VPS8: variants seen among roughly 807,000 people sequenced by gnomAD.
VPS8 encodes the protein vacuolar protein sorting-associated protein 8 homolog.
Under a neutral mutation model 216.4 loss-of-function variants are expected in VPS8, and 129 were observed. That is an observed-to-expected ratio of 0.60 (90% CI 0.52 to 0.69). The LOEUF is 0.69. VPS8 is among the 30% of genes least tolerant of loss of function. VPS8 has a pLI of 0.00. For missense variants in VPS8, 1,531 were observed against 1,683.5 expected (o/e 0.91, Z 1.59); for synonymous variants, 571 against 565.4 (o/e 1.01, Z -0.14).
chr3:185,003,895 C>T (rs1294354381), intron 45 of VPS8, among the ~76,000 whole-genome samples: 2 of 151,764 alleles, frequency 1.3e-5, no homozygotes, highest in Non-Finnish European at 2.9e-5. Context: ...CGCGGCCAGG[C>T]AGAGGCGCTC....
chr3:185,008,398 A>T, intron 45 of VPS8, among the ~76,000 whole-genome samples: 1 of 152,228 alleles, frequency 6.6e-6, no homozygotes, highest in East Asian at 1.9e-4. Context: ...GAACAAAAAA[A>T]TAACCATAGT....
rs962033198 is a variant in VPS8 at position 184,849,637 on chromosome 3, A to G, written c.667-299A>G. On this transcript the variant is annotated intron_variant, in intron 9 of 47. Transcript: ENST00000625842. ...TAGTTTGGCAGTAAGCCTTTCCGATACTTTTTACTAGTGCTAAACAGATTG... is the reference window on the plus strand; with the variant it reads ...TAGTTTGGCAGTAAGCCTTTCCGATGCTTTTTACTAGTGCTAAACAGATTG... The G allele has an allele frequency of 9.0e-5, 29 of 322,014 alleles. No individual in the cohort carries two copies. The East Asian group carries it at 2.0e-3, about 22-fold the overall frequency. The allele number at this position is 322,014 out of a possible 1,614,324, so 19.9% of individuals were successfully genotyped here.
chr3:184,990,624 T>C (rs1561011397), intron 42 of VPS8, among the ~76,000 whole-genome samples: 1 of 152,178 alleles, frequency 6.6e-6, no homozygotes, highest in South Asian at 2.1e-4. Context: ...AAATAATTTG[T>C]CTTAGTTTAT....
chr3:184,833,596 A>G (rs572662154), intron 4 of VPS8, among the ~76,000 whole-genome samples: 4 of 152,322 alleles, frequency 2.6e-5, no homozygotes, highest in African/African-American at 9.6e-5. Context: ...TGCAAAATTA[A>G]GTCAGAACTC....
intron 40 of VPS8, among the ~76,000 whole-genome samples, chr3:184,979,201 G>C (rs1039902014): frequency 5.9e-5 from 9 of 152,094 alleles, no homozygotes; most frequent in African/African-American, 9.7e-5. Flanking sequence ...AATTTGTTGA[G>C]TATTGTTTTA....
chr3:184,871,325 G>T (rs1250064907), intron 21 of VPS8, among the ~76,000 whole-genome samples: 2 of 151,880 alleles, frequency 1.3e-5, no homozygotes, highest in Admixed American at 1.3e-4. Flanking sequence ...TATTTATTAT[G>T]CAGGTTTTAC....
rs557153855 is a variant in VPS8 at position 184,828,137 on chromosome 3, TTTTG to T, written c.222+1922_222+1925del. Among the ~76,000 whole-genome samples, 69 of 152,124 alleles carry T rather than the reference TTTTG, an allele frequency of 4.5e-4. 1 individual carries two copies. Among genetic ancestry groups the T allele is most frequent in the Middle Eastern group, 6.8e-3 (2 of 294 alleles). The stretch of plus-strand genomic sequence containing the variant: ...ATGGACATCCACTTTTTTTGTTTGT[TTTTG>T]TTTGTTTGTTTGTTTTGAGATGGAG... On this transcript the variant is annotated intron_variant, in intron 3 of 47. Transcript: ENST00000625842.
chr3:184,953,889 T>C (rs548197523), intron 36 of VPS8, among the ~76,000 whole-genome samples: 265 of 152,260 alleles, frequency 1.7e-3, no homozygotes, highest in Non-Finnish European at 2.4e-3. Context: ...CTCAGTTTCA[T>C]TAAGTTGGTT....
At chr3:184,939,347 T>G (rs1240621850) in intron 35 of VPS8, among the ~76,000 whole-genome samples, 1 of 151,976 alleles carries the variant, frequency 6.6e-6, no homozygotes, top group African/African-American at 2.4e-5. Context: ...TATTAATCTT[T>G]TTCATCTTTA....
chr3:184,944,302 A>G (rs1018288566), intron 36 of VPS8, among the ~76,000 whole-genome samples: 1 of 152,186 alleles, frequency 6.6e-6, no homozygotes, highest in African/African-American at 2.4e-5. Context: ...GGGAGAGGGG[A>G]TTAATCCTCC....
chr3:185,046,152 C>T (rs1052855424), intron 46 of VPS8, among the ~76,000 whole-genome samples: 6 of 152,186 alleles, frequency 3.9e-5, no homozygotes, highest in Non-Finnish European at 8.8e-5. Context: ...CACTCCTAAC[C>T]AGTTTTATCC....
At chr3:185,001,561 A>C (rs953910165) in intron 45 of VPS8, among the ~76,000 whole-genome samples, 1 of 151,956 alleles carries the variant, frequency 6.6e-6, no homozygotes, top group Admixed American at 6.6e-5. Context: ...GTCTACACCA[A>C]CCCATAAGCT....
chr3:184,855,611 A>G lies in VPS8; in HGVS notation c.1036-100A>G, dbSNP rs1034211188. On this transcript the variant is annotated intron_variant, in intron 13 of 47. Transcript: ENST00000625842. ...TACTGAGAAATTGGGGAAAGTTTTT[A>G]TCAAGGAACACTAGTCAGATGCTGT... 10 of 979,992 alleles carry G rather than the reference A, an allele frequency of 1.0e-5. No homozygotes were observed. In the Admixed American group the frequency reaches 1.4e-4, roughly 14 times the overall value. The allele number at this position is 979,992 out of a possible 1,614,324, so 60.7% of individuals were successfully genotyped here.
intron 45 of VPS8, among the ~76,000 whole-genome samples, chr3:185,012,880 TCAAA>T (rs1456276844): frequency 6.6e-6 from 1 of 152,090 alleles, no homozygotes; most frequent in African/African-American, 2.4e-5. Context: ...GCTGAGATCC[TCAAA>T]CAGAGATTTA....
chr3:185,047,927 G>T (rs1420233641), intron 46 of VPS8, among the ~76,000 whole-genome samples: 7 of 152,246 alleles, frequency 4.6e-5, no homozygotes, highest in South Asian at 2.1e-4. Context: ...AGTTTGGCAG[G>T]TCCCACCACA....
intron 25 of VPS8, among the ~76,000 whole-genome samples, chr3:184,906,428 A>G (rs906237875): frequency 6.6e-6 from 1 of 152,204 alleles, no homozygotes; most frequent in Non-Finnish European, 1.5e-5. Flanking sequence ...TGTTACATAG[A>G]TATCCGTGTA....
Position 185,005,972 on chromosome 3 carries a change from G to T in VPS8, c.4002+6111G>T, listed in dbSNP as rs574634732. Reference sequence around the variant, plus strand: ...AAGTGGGCATCCTTGTCTTGTTGCAGTTCTCAGGGGAAACCATTTTAAAAT... The same window carrying T: ...AAGTGGGCATCCTTGTCTTGTTGCATTTCTCAGGGGAAACCATTTTAAAAT... On this transcript the variant is annotated intron_variant, in intron 45 of 47. Coordinates refer to ENST00000625842, the MANE Select transcript of VPS8 (RefSeq NM_001009921.3). Among the ~76,000 whole-genome samples the T allele has an allele frequency of 9.2e-4, 140 of 152,074 alleles. 2 individuals carry two copies. In the Middle Eastern group the frequency reaches 0.014, roughly 15 times the overall value.
chr3:184,981,591 G>A (rs565838778), intron 40 of VPS8, among the ~76,000 whole-genome samples: 4 of 151,892 alleles, frequency 2.6e-5, no homozygotes, highest in African/African-American at 9.7e-5. Flanking sequence ...CTGCCACCAC[G>A]CCTGGCTAAT....
At chr3:184,813,121 G>A (rs889980380) in intron 1 of VPS8, among the ~76,000 whole-genome samples, 8 of 152,194 alleles carry the variant, frequency 5.3e-5, no homozygotes, top group African/African-American at 1.4e-4. Context: ...TAGGGTGGGA[G>A]GAGGTAGGAT....
Sources: gnomAD v4.1 joint callset for allele counts (sites outside exome capture counted in the v4.1 genomes callset) on GRCh38, gnomAD v4.1.1 for gene constraint, MANE v1.5 for transcripts, NCBI Gene and HGNC (gene_info 2026-07-23, HGNC 2026-07-21) for gene names.